SNAP47: variants seen among roughly 807,000 people sequenced by gnomAD.
SNAP47 encodes the protein synaptosomal-associated protein 47.
A neutral mutation model predicts 31.4 loss-of-function variants in SNAP47; 20 were observed. The ratio of observed to expected loss-of-function variants is 0.64; its 90% CI spans 0.45 to 0.93. The LOEUF (loss-of-function observed/expected upper bound fraction) is 0.93, where lower values mean the gene tolerates loss of function less well. Among genes scored for constraint, SNAP47 ranks in the 40% least tolerant of loss-of-function variants. The pLI is 0.00. For missense variants in SNAP47, 492 were observed against 528.5 expected (o/e 0.93, Z 0.68); for synonymous variants, 194 against 213.4 (o/e 0.91, Z 0.79).
chr1:227,768,221 G>A (rs1295730084), intron 4 of SNAP47: 4 of 958,648 alleles, frequency 4.2e-6, no homozygotes, highest in Non-Finnish European at 3.7e-6. Flanking sequence ...GTCTCCAGGT[G>A]CAGCTTCCGT....
upstream of SNAP47, chr1:227,731,187 G>C (rs557108712): frequency 6.6e-6 from 1 of 152,476 alleles, no homozygotes; most frequent in South Asian, 2.1e-4. Flanking sequence ...TCCCTGGAAA[G>C]CTGTTGGCTG....
intron 3 of SNAP47, among the ~76,000 whole-genome samples, chr1:227,766,575 C>T (rs1663415499): frequency 6.6e-6 from 1 of 152,278 alleles, no homozygotes; most frequent in South Asian, 2.1e-4. Flanking sequence ...TCTCCAGAAC[C>T]TCAGCCTTCT....
intron 2 of SNAP47, among the ~76,000 whole-genome samples, chr1:227,749,825 G>A (rs867646068): frequency 4.5e-5 from 6 of 132,418 alleles, no homozygotes; most frequent in South Asian, 2.4e-4. Flanking sequence ...GTATTTGTGT[G>A]TGTCATCTGT....
At chr1:227,735,405 C>T (rs1661047640), upstream of SNAP47, 1 of 1,563,630 alleles carries the variant, frequency 6.4e-7, no homozygotes, top group Non-Finnish European at 8.6e-7. Flanking sequence ...TCCGGGCCTG[C>T]ACGCATGCGC....
upstream of SNAP47, chr1:227,732,489 G>A (rs1274547365): frequency 6.2e-7 from 1 of 1,613,384 alleles, no homozygotes; most frequent in Middle Eastern, 1.6e-4. Context: ...CTGGAAGTCG[G>A]GGTGCGCAAC....
chr1:227,738,900 A>G (rs1661408621), intron 1 of SNAP47, among the ~76,000 whole-genome samples: 1 of 152,194 alleles, frequency 6.6e-6, no homozygotes, highest in African/African-American at 2.4e-5. Flanking sequence ...GCTCCCTGAG[A>G]TCACTGAGCC....
chr1:227,753,985 C>T (rs1457956146), intron 2 of SNAP47, among the ~76,000 whole-genome samples: 3 of 152,184 alleles, frequency 2.0e-5, no homozygotes, highest in African/African-American at 7.2e-5. Flanking sequence ...AGACTCTCTA[C>T]CCTGTTGCAA....
Position 227,747,956 on chromosome 1 carries a change from G to C in SNAP47, c.220G>C (p.Gly74Arg), listed in dbSNP as rs12239037. ...IFSSITILEKGHAKHWFSSLR... is the reference protein window; with the variant it reads ...IFSSITILEKRHAKHWFSSLR... ...CAGCTCCATCACCATCCTGGAGAAG[G>C]GCCATGCCAAGCACTGGTTCAGCTC... The change falls in exon 2 of 5, where the codon GGC (glycine) becomes CGC (arginine). Residue 74 changes from glycine to arginine, a missense_variant. Gly to Arg is a moderately radical substitution (Grantham distance 125, BLOSUM62 -2). Transcript: ENST00000617596. 5,900 of 1,614,212 alleles carry C rather than the reference G, an allele frequency of 3.7e-3. 174 individuals carry two copies. The African/African-American group carries it at 0.064, about 18-fold the overall frequency.
At chr1:227,759,644 T>A in intron 3 of SNAP47, 159 bp downstream of exon 3, 1 of 883,008 alleles carries the variant, frequency 1.1e-6, no homozygotes, top group East Asian at 2.5e-5. Flanking sequence ...TAAAAACAAT[T>A]CCAGACCATT....
At chr1:227,775,929 G>A in intron 4 of SNAP47, 3 of 1,298,472 alleles carry the variant, frequency 2.3e-6, no homozygotes, top group Non-Finnish European at 3.0e-6. Context: ...TTTGCTCAGG[G>A]CATGAGGGAG....
intron 1 of SNAP47, among the ~76,000 whole-genome samples, chr1:227,738,989 C>G (rs1379167089): frequency 6.6e-6 from 1 of 152,082 alleles, no homozygotes; most frequent in Non-Finnish European, 1.5e-5. Flanking sequence ...GCAGGGTGCC[C>G]CCTCGGGTCA....
At chr1:227,735,430 T>G (rs749247414), upstream of SNAP47, 3 of 1,530,096 alleles carry the variant, frequency 2.0e-6, no homozygotes, top group Non-Finnish European at 1.7e-6. Context: ...CTCGCCGCGG[T>G]CTTCACTGCG....
chr1:227,748,789 G>A lies in SNAP47; in HGVS notation c.497+556G>A, dbSNP rs578002006. Among the ~76,000 whole-genome samples, 3 of 152,360 alleles carry A rather than the reference G, an allele frequency of 2.0e-5. No homozygotes were observed. The East Asian group carries it at 5.8e-4, about 29-fold the overall frequency. On this transcript the variant is annotated intron_variant, in intron 2 of 4. Transcript: ENST00000617596. The stretch of plus-strand genomic sequence containing the variant: ...TGGTGACAGTCTCTGTGAGTGAGGT[G>A]TCTCCTGTCAGCATTGGCCATTTGT...
intron 3 of SNAP47, among the ~76,000 whole-genome samples, chr1:227,766,184 GGAGCTGGCACT>G (rs1663386599): frequency 6.6e-6 from 1 of 152,206 alleles, no homozygotes; most frequent in Non-Finnish European, 1.5e-5. Context: ...TGCCCCATCA[GGAGCTGGCACT>G]GCAGCTGCAC....
At chr1:227,772,367 CCT>C (rs1296565018) in intron 4 of SNAP47, among the ~76,000 whole-genome samples, 1 of 151,844 alleles carries the variant, frequency 6.6e-6, no homozygotes. Flanking sequence ...CTCTGCCTTC[CCT>C]CTCTGCCAGC....
chr1:227,730,784 A>C (rs1660590172), upstream of SNAP47: 1 of 152,320 alleles, frequency 6.6e-6, no homozygotes, highest in African/African-American at 2.4e-5. Flanking sequence ...GCCAGTTCGC[A>C]CTGGGCCCTG....
rs1196824295 is a variant in SNAP47, at chr1:227,759,199, G to A, written c.702G>A (p.Val234=). 1.4e-5 allele frequency: 22 copies of A among 1,614,098 alleles called. No homozygotes were observed. The highest frequency in any genetic ancestry group is 1.5e-5 in the Non-Finnish European group (18 of 1,180,058). The part of the protein sequence containing the change: ...HVKPGRLTVL[V]SGLEIHDSSS... Reference sequence around the variant, plus strand: ...AACCAGGGAGGCTCACCGTCCTTGTGTCTGGGTTGGAAATACATGACTCCA... The same window carrying A: ...AACCAGGGAGGCTCACCGTCCTTGTATCTGGGTTGGAAATACATGACTCCA... Residue 234 remains valine (V), a synonymous_variant, in exon 3 of 5, where the codon GTG becomes GTA. Coordinates refer to ENST00000617596, the MANE Select transcript of SNAP47 (RefSeq NM_053052.4).
upstream of SNAP47, chr1:227,734,674 G>T: frequency 1.2e-6 from 2 of 1,614,134 alleles, no homozygotes; most frequent in South Asian, 2.2e-5. Context: ...AGTCTTTGAG[G>T]TAGAGACAGC....
intron 4 of SNAP47, among the ~76,000 whole-genome samples, chr1:227,774,140 G>C (rs1418591642): frequency 6.6e-6 from 1 of 152,204 alleles, no homozygotes; most frequent in Admixed American, 6.5e-5. Flanking sequence ...ATCTGGTACA[G>C]AGGAGAATGG....
Sources: allele counts gnomAD v4.1 joint callset (sites outside exome capture counted in the v4.1 genomes callset), GRCh38; gene constraint gnomAD v4.1.1; transcripts MANE v1.5; gene names NCBI Gene and HGNC (gene_info 2026-07-23, HGNC 2026-07-21).